SIAH1: variants seen among roughly 807,000 people sequenced by gnomAD.
SIAH1 encodes siah E3 ubiquitin protein ligase 1.
In SIAH1, 2 loss-of-function variants were observed where a neutral mutation model predicts 20.0. The observed-to-expected ratio is 0.10, with a 90% CI of 0.04 to 0.31. The LOEUF (loss-of-function observed/expected upper bound fraction) is 0.31, where lower values mean the gene tolerates loss of function less well. Among genes scored for constraint, SIAH1 ranks in the 10% least tolerant of loss-of-function variants. The pLI is 1.00. For synonymous variants in SIAH1, 118 were observed against 125.3 expected (o/e 0.94, Z 0.39); for missense variants, 119 against 355.3 (o/e 0.33, Z 5.35).
At chr16:48,386,399 CG>C (rs1318696688), upstream of SIAH1, among the ~76,000 whole-genome samples, 1 of 151,792 alleles carries the variant, frequency 6.6e-6, no homozygotes, top group African/African-American at 2.4e-5. Flanking sequence ...CCCAGCTACT[CG>C]GAGGCTGAGG....
chr16:48,361,348 C>G lies in SIAH1; in HGVS notation c.*232G>C, dbSNP rs1960585499. ...CTTTCTTAATACAAAAGATGCCCAT[C>G]TTGGGTGTATATACATATATTTTTT... On this transcript the variant is annotated 3_prime_UTR_variant, in exon 2 of 2. Transcript: ENST00000394725. 2.7e-5 allele frequency: 12 copies of G among 449,524 alleles called. 1 individual carries two copies. The South Asian group carries it at 3.8e-4, about 14-fold the overall frequency. The allele number at this position is 449,524 out of a possible 1,614,324, so 27.8% of individuals were successfully genotyped here.
intron 1 of SIAH1, among the ~76,000 whole-genome samples, chr16:48,381,932 TGGA>T (rs1475027970): frequency 1.3e-5 from 2 of 152,148 alleles, no homozygotes; most frequent in South Asian, 2.1e-4. Context: ...ATGTTGATAA[TGGA>T]GGAGGTTACA....
intron 1 of SIAH1, among the ~76,000 whole-genome samples, chr16:48,376,335 C>G (rs1961109205): frequency 6.6e-6 from 1 of 152,260 alleles, no homozygotes; most frequent in Non-Finnish European, 1.5e-5. Flanking sequence ...TTCTACAGAA[C>G]ATCAAATACA....
chr16:48,362,186 G>A lies in SIAH1; in HGVS notation c.243C>T (p.Ser81=). Residue 81 remains serine (S), a synonymous_variant, in exon 2 of 2, where the codon TCC becomes TCT. Transcript: ENST00000394725. This position sits in a 1 kb window ranked among gnomAD's most constrained non-coding sequence, Gnocchi z 4.2. ...CTTTCTCCATAGCCAAGTTGCGAAT[G>A]GATCCCAAAGGGCCCCGGCAAGTTG... ...CCPTCRGPLG[S]IRNLAMEKVA... 6.2e-7 allele frequency: 1 copy of A among 1,614,220 alleles called. No homozygotes were observed. Among genetic ancestry groups the A allele is most frequent in the Non-Finnish European group, 8.5e-7 (1 of 1,180,034 alleles).
rs752497077 is a variant in SIAH1 at position 48,365,445 on chromosome 16, G to A, written c.-2-3015C>T. On this transcript the variant is annotated intron_variant, in intron 1 of 1. Transcript: ENST00000394725. The stretch of plus-strand genomic sequence containing the variant: ...ATGTGAACAAGACTCCCCTCCAGGA[G>A]TACAGAGAAGGTGGAGTAGCCTTTC... The A allele has an allele frequency of 1.4e-5, 23 of 1,613,820 alleles. No homozygotes were observed. In the Admixed American group the frequency reaches 1.8e-4, roughly 13 times the overall value.
chr16:48,381,719 CAAT>C (rs1241232745), intron 1 of SIAH1, among the ~76,000 whole-genome samples: 1 of 151,978 alleles, frequency 6.6e-6, no homozygotes, highest in Non-Finnish European at 1.5e-5. Context: ...ACTATGGTGA[CAAT>C]AAAAGAAAGA....
At chr16:48,386,319 C>T (rs1961465577), upstream of SIAH1, among the ~76,000 whole-genome samples, 1 of 152,132 alleles carries the variant, frequency 6.6e-6, no homozygotes, top group South Asian at 2.1e-4. Context: ...GTAGCCTGGC[C>T]AACATGGTGA....
chr16:48,372,304 A>G (rs1961006064), intron 1 of SIAH1, among the ~76,000 whole-genome samples: 1 of 152,234 alleles, frequency 6.6e-6, no homozygotes, highest in Admixed American at 6.5e-5. Flanking sequence ...CTATGTTGAC[A>G]TAAGCAGTAC....
At chr16:48,367,117 C>T (rs1960862385) in intron 1 of SIAH1, among the ~76,000 whole-genome samples, 1 of 152,172 alleles carries the variant, frequency 6.6e-6, no homozygotes, top group Non-Finnish European at 1.5e-5. Flanking sequence ...CCAGGCTGGT[C>T]TCGAACTCCT....
In SIAH1 at chr16:48,360,862, T is replaced by C. The variant is rs951298536; in HGVS notation, c.*718A>G. ...AGATGCTTTAAATAGCTTTTGATTA[T>C]TTTTCCGATGTCACCTTTACTTTCT... On this transcript the variant is annotated 3_prime_UTR_variant, in exon 2 of 2. Coordinates refer to ENST00000394725, the MANE Select transcript of SIAH1 (RefSeq NM_003031.4). 3 of 152,238 alleles carry C rather than the reference T, an allele frequency of 2.0e-5. No individual in the cohort carries two copies. The highest frequency in any genetic ancestry group is 7.2e-5 in the African/African-American group (3 of 41,450). 9.4% of individuals were successfully genotyped at this position (152,238 alleles called of 1,614,324 possible).
rs1960601604 is a variant in SIAH1 at position 48,361,641 on chromosome 16, A to G, written c.788T>C (p.Ile263Thr). 1 of 1,613,232 alleles carries G rather than the reference A, an allele frequency of 6.2e-7. No individual in the cohort carries two copies. The highest frequency in any genetic ancestry group is 8.5e-7 in the Non-Finnish European group (1 of 1,179,134). Reference sequence around the variant, plus strand: ...GCCATTTTCTGCAAAAAGCTGTGCAATGCTGGTGTCAAAGACTAGACAGTC... The same window carrying G: ...GCCATTTTCTGCAAAAAGCTGTGCAGTGCTGGTGTCAAAGACTAGACAGTC... ...NSDCLVFDTS[I>T]AQLFAENGNL... is the part of the protein sequence containing the mutation. Residue 263 changes from isoleucine to threonine, a missense_variant, in exon 2 of 2, where the codon ATT becomes ACT. Around this residue, in one of 2 missense-constraint regions of SIAH1, gnomAD observed 84 missense variants for 307.8 expected, o/e 0.27. Transcript: ENST00000394725.
chr16:48,379,977 A>G (rs1961226631), intron 1 of SIAH1, among the ~76,000 whole-genome samples: 1 of 152,250 alleles, frequency 6.6e-6, no homozygotes, highest in African/African-American at 2.4e-5. Context: ...TAGAAAGCTC[A>G]CTTAAACTGC....
At chr16:48,370,816 A>C (rs980508530) in intron 1 of SIAH1, among the ~76,000 whole-genome samples, 3 of 151,574 alleles carry the variant, frequency 2.0e-5, no homozygotes, top group African/African-American at 4.8e-5. Flanking sequence ...AAAAAAAAAA[A>C]AAACAAATTT....
intron 1 of SIAH1, among the ~76,000 whole-genome samples, chr16:48,380,260 G>A (rs1310881315): frequency 1.3e-5 from 2 of 151,958 alleles, no homozygotes; most frequent in Admixed American, 6.6e-5. Flanking sequence ...CCAACATGGC[G>A]AAACCCCGTC....
rs199810109 is a variant in SIAH1 at position 48,372,959 on chromosome 16, TCCTG to T, written c.-2-10533_-2-10530del. 3.0e-3 allele frequency among the ~76,000 whole-genome samples: 459 copies of T among 152,100 alleles called. 3 individuals carry two copies. Among genetic ancestry groups the T allele is most frequent in the African/African-American group, 0.01 (433 of 41,352 alleles). ...TAACAGAGTTGACGGATCACTGGGC[TCCTG>T]CCTAATAAACTCTGTTCACCGACTT... On this transcript the variant is annotated intron_variant, in intron 1 of 1. Transcript: ENST00000394725.
chr16:48,381,614 AC>A (rs1176340931), intron 1 of SIAH1, among the ~76,000 whole-genome samples: 1 of 152,216 alleles, frequency 6.6e-6, no homozygotes, highest in Admixed American at 6.5e-5. Flanking sequence ...CGTGGAGGAA[AC>A]CTAAATGCAT....
intron 1 of SIAH1, among the ~76,000 whole-genome samples, chr16:48,375,504 G>A (rs897795671): frequency 6.6e-6 from 1 of 152,142 alleles, no homozygotes; most frequent in Non-Finnish European, 1.5e-5. Flanking sequence ...CAGGCATGGT[G>A]GTGGGCACCT....
intron 1 of SIAH1, among the ~76,000 whole-genome samples, chr16:48,383,739 T>C (rs1386932623): frequency 6.6e-6 from 1 of 152,198 alleles, no homozygotes; most frequent in Non-Finnish European, 1.5e-5. Context: ...TGTTAATTTA[T>C]CATACAAATC....
intron 1 of SIAH1, among the ~76,000 whole-genome samples, chr16:48,382,654 T>C (rs1961329059): frequency 6.6e-6 from 1 of 152,168 alleles, no homozygotes. Context: ...TGGAAGGTTC[T>C]GGGGATTTCA....
Sources: gnomAD v4.1 joint callset for allele counts (sites outside exome capture counted in the v4.1 genomes callset) on GRCh38, gnomAD v4.1.1 for gene constraint, gnomAD v4.1.1 regional missense constraint, Gnocchi (gnomAD v3.1) non-coding constraint, MANE v1.5 for transcripts, NCBI Gene and HGNC (gene_info 2026-07-23, HGNC 2026-07-21) for gene names.